TTN: variants seen among roughly 807,000 people sequenced by gnomAD.
TTN encodes connectin.
TTN carries 1,525 observed loss-of-function variants against 3,223.0 expected under a neutral mutation model. The ratio of observed to expected loss-of-function variants is 0.47; its 90% CI spans 0.45 to 0.49. TTN has a LOEUF of 0.49. Among genes scored for constraint, TTN ranks in the 20% least tolerant of loss-of-function variants. TTN has a pLI of 0.00. For missense variants in TTN, 40,786 were observed against 43,424.0 expected, an observed-to-expected ratio of 0.94 and a Z score of 5.40; for synonymous variants, 14,094 against 15,161.0, an observed-to-expected ratio of 0.93 and a Z score of 5.17.
At position 178,718,164 on chromosome 2, in the gene TTN, G is replaced by T. The variant is rs1474165122; in HGVS notation, c.24842C>A (p.Ala8281Glu). ...TCCATCCACTTTACACTGTAAAGTTGCAGGTTCTCCAATGACTGCTTCCAC... is the reference window on the plus strand; with the variant it reads ...TCCATCCACTTTACACTGTAAAGTTTCAGGTTCTCCAATGACTGCTTCCAC... ...EHVEAVIGEP[A>E]TLQCKVDGTP... Residue 8281 changes from alanine (A) to glutamate (E), a missense_variant, in exon 86 of 363, where the codon GCA becomes GAA. Ala to Glu is a moderately radical substitution (Grantham distance 107). Transcript: ENST00000589042. The T allele has an allele frequency of 1.9e-6, 3 of 1,606,406 alleles. No individual in the cohort carries two copies. The South Asian group carries it at 3.3e-5, about 18-fold the overall frequency.
At chr2:178,725,261 G>A (rs889808606) in intron 71 of TTN, 107 bp downstream of exon 71, 9 of 1,223,004 alleles carry the variant, frequency 7.4e-6, no homozygotes, top group Non-Finnish European at 9.7e-6. Flanking sequence ...AAATAGATGA[G>A]GATAAATATA....
chr2:178,610,082 A>C lies in TTN; in HGVS notation c.51436+8T>G, dbSNP rs763959898. ...TCTTAGCCATAGTGCATCCATGTCC[A>C]AACTTACGCTTTGGATCTTGAGCAA... On this transcript the variant is annotated splice_region_variant and intron_variant, in intron 271 of 362. Transcript: ENST00000589042. The C allele has an allele frequency of 1.2e-6, 2 of 1,612,652 alleles. No homozygotes were observed. Among genetic ancestry groups the C allele is most frequent in the South Asian group, 2.2e-5 (2 of 91,052 alleles).
At position 178,766,576 on chromosome 2, in the gene TTN, C is replaced by G; in HGVS notation, c.9508G>C (p.Val3170Leu). The G allele has an allele frequency of 6.2e-7, 1 of 1,614,044 alleles. No individual in the cohort carries two copies. The highest frequency in any genetic ancestry group is 8.5e-7 in the Non-Finnish European group (1 of 1,179,988). The stretch of plus-strand genomic sequence containing the variant: ...TGGGCATCAACATCGTCTTCATTGA[C>G]CTCAAATTCAACAACAGCACGCTGT... ...EKQRAVVEFE[V>L]NEDDVDAHWY... The change falls in exon 41 of 363, where the codon GTC becomes CTC. Residue 3170 changes from valine (V) to leucine (L), a missense_variant. Physicochemically the swap from Val to Leu is conservative, Grantham distance 32. Transcript: ENST00000589042.
At chr2:178,774,550 T>C (rs2091970698) in intron 29 of TTN, 77 bp from the exon 30 acceptor site, 12 of 1,423,126 alleles carry the variant, frequency 8.4e-6, no homozygotes, top group South Asian at 1.2e-5. Context: ...GATGATGTCT[T>C]GTATGTCTTT....
In TTN at chr2:178,558,654, T is replaced by C. The variant is rs1355178168; in HGVS notation, c.86822-17A>G. ...TTGGTTTTTCTAAGAAAACAAAGCA[T>C]CAAAAGAAAGTGAATAATTATTACA... On this transcript the variant is annotated splice_polypyrimidine_tract_variant and intron_variant, in intron 326 of 362. Transcript: ENST00000589042. 1 of 1,605,288 alleles carries C rather than the reference T, an allele frequency of 6.2e-7. No homozygotes were observed. The highest frequency in any genetic ancestry group is 8.5e-7 in the Non-Finnish European group (1 of 1,178,226).
At chr2:178,712,245 A>G (rs569573610) in intron 95 of TTN, 23 bp from the exon 96 acceptor site, 1 of 1,610,682 alleles carries the variant, frequency 6.2e-7, no homozygotes, top group Non-Finnish European at 8.5e-7. Context: ...GAGATAATCA[A>G]TCAGTCATGA....
Position 178,631,223 on chromosome 2 carries a change from T to G in TTN, c.43825A>C (p.Ile14609Leu). The G allele has an allele frequency of 6.2e-7, 1 of 1,613,004 alleles. No homozygotes were observed. Among genetic ancestry groups the G allele is most frequent in the Non-Finnish European group, 8.5e-7 (1 of 1,179,510 alleles). ...EKDEVILQCE[I>L]SKADAPVKWF... ...TTCACTGGTGCATCTGCTTTGCTAA[T>G]TTCACACTGTAGAATAACTTCATCT... is the stretch of plus-strand genomic sequence containing the variant. The change falls in exon 237 of 363, where the codon ATT becomes CTT. Residue 14609 changes from isoleucine to leucine, a missense_variant. By Grantham distance (5) the Ile-to-Leu change is conservative. Coordinates refer to ENST00000589042, the MANE Select transcript of TTN (RefSeq NM_001267550.2).
rs727503570 is a variant in TTN, at chr2:178,575,507, A to C, written c.70625T>G (p.Met23542Arg). 6.2e-7 allele frequency: 1 copy of C among 1,613,642 alleles called. No individual in the cohort carries two copies. The highest frequency in any genetic ancestry group is 8.5e-7 in the Non-Finnish European group (1 of 1,179,668). The change falls in exon 326 of 363, where the codon ATG (methionine) becomes AGG (arginine). Residue 23542 changes from methionine to arginine, a missense_variant. Physicochemically the swap from Met to Arg is moderately conservative, Grantham distance 91. Transcript: ENST00000589042. The surrounding 1 kb of genome is among the most constrained non-coding windows in gnomAD (Gnocchi z 4.0). Reference sequence around the variant, plus strand: ...GCTGACGGTGCTCTTAGTTATGTCCATGATGTTAAGGCTGTCTGGTGGAGA... The same window carrying C: ...GCTGACGGTGCTCTTAGTTATGTCCCTGATGTTAAGGCTGTCTGGTGGAGA... ...APSPPDSLNI[M>R]DITKSTVSLA...
rs374624479 is a variant in TTN, at chr2:178,577,982, A to G, written c.68527+6T>C. ...CACCTGGGTTTTTCTTCATATAATG[A>G]CTTACCAATTGGGTCCAGTGCCACA... On this transcript the variant is annotated splice_donor_region_variant and intron_variant, in intron 322 of 362. Coordinates refer to ENST00000589042, the MANE Select transcript of TTN (RefSeq NM_001267550.2). 2.5e-6 allele frequency: 4 copies of G among 1,609,874 alleles called. No individual in the cohort carries two copies. Among genetic ancestry groups the G allele is most frequent in the Non-Finnish European group, 3.4e-6 (4 of 1,178,370 alleles).
chr2:178,556,455 C>CAAACAAACA (rs1701512145), intron 330 of TTN: 11 of 186,224 alleles, frequency 5.9e-5, no homozygotes, highest in East Asian at 3.4e-4. Flanking sequence ...AACAAACAAA[C>CAAACAAACA]AAAAAAAAAA....
Position 178,564,085 on chromosome 2 carries a change from C to T in TTN, c.82047G>A (p.Leu27349=), listed in dbSNP as rs1158380874. The T allele has an allele frequency of 6.2e-7, 1 of 1,613,750 alleles. No homozygotes were observed. Among genetic ancestry groups the T allele is most frequent in the Non-Finnish European group, 8.5e-7 (1 of 1,179,754 alleles). The change falls in exon 326 of 363, where the codon CTG becomes CTA. Residue 27349 remains leucine (L), a synonymous_variant. Transcript: ENST00000589042. ...CIRTDGGQYI[L]KLSNVGGTKS... ...TTGTACCACCAACATTGCTGAGTTTCAGAATATATTGTCCTCCATCAGTCC... is the reference window on the plus strand; with the variant it reads ...TTGTACCACCAACATTGCTGAGTTTTAGAATATATTGTCCTCCATCAGTCC...
At position 178,602,439 on chromosome 2, in the gene TTN, T is replaced by C; in HGVS notation, c.54963A>G (p.Arg18321=). The C allele has an allele frequency of 6.2e-7, 1 of 1,612,656 alleles. No homozygotes were observed. The highest frequency in any genetic ancestry group is 8.5e-7 in the Non-Finnish European group (1 of 1,179,220). Residue 18321 remains arginine, a synonymous_variant, in exon 283 of 363, where the codon AGA becomes AGG. Coordinates refer to ENST00000589042, the MANE Select transcript of TTN (RefSeq NM_001267550.2). ...MQEEGTTDWK[R]VNEPDKLITT... is the part of the protein sequence containing the mutation. ...TTATAAGTTTGTCTGGTTCATTTACTCTTTTCCAGTCAGTAGTACCTTCTT... is the reference window on the plus strand; with the variant it reads ...TTATAAGTTTGTCTGGTTCATTTACCCTTTTCCAGTCAGTAGTACCTTCTT...
At position 178,709,856 on chromosome 2, in the gene TTN, T is replaced by G; in HGVS notation, c.28463A>C (p.Glu9488Ala). The change falls in exon 99 of 363, where the codon GAG becomes GCG. Residue 9488 changes from glutamate (E) to alanine (A), a missense_variant and splice_region_variant. Glu to Ala is a moderately radical substitution (Grantham distance 107). Transcript: ENST00000589042. The stretch of plus-strand genomic sequence containing the variant: ...AGTGAAACTTGGTGGGATGAGCCGC[T>G]CTATAAGAAATTGCAAGGATATATG... The part of the protein sequence containing the change: ...DSCTAQLNIK[E>A]RLIPPSFTKR... The G allele has an allele frequency of 6.2e-7, 1 of 1,607,244 alleles. No individual in the cohort carries two copies. Among genetic ancestry groups the G allele is most frequent in the Middle Eastern group, 1.7e-4 (1 of 6,036 alleles).
rs1035871236 is a variant in TTN, at chr2:178,579,229, A to T, written c.67801T>A (p.Ser22601Thr). 1 of 1,613,338 alleles carries T rather than the reference A, an allele frequency of 6.2e-7. No homozygotes were observed. Among genetic ancestry groups the T allele is most frequent in the African/African-American group, 1.3e-5 (1 of 74,866 alleles). ...ATAAGAGTTGTGTTAACCGCAGATG[A>T]CTCAACACTGACTCTAGTGTCAGTT... Reference protein sequence around the residue: ...LATDTRVSVESSAVNTTLIVY... With the variant: ...LATDTRVSVETSAVNTTLIVY... The change falls in exon 320 of 363, where the codon TCA (serine) becomes ACA (threonine). Residue 22601 changes from serine to threonine, a missense_variant. By Grantham distance (58) the Ser-to-Thr change is moderately conservative. Transcript: ENST00000589042.
Position 178,644,603 on chromosome 2 carries a change from C to T in TTN, c.40422G>A (p.Lys13474=). The change falls in exon 218 of 363, where the codon AAG becomes AAA. Residue 13474 remains lysine, a synonymous_variant. Transcript: ENST00000589042. Reference sequence around the variant, plus strand: ...GAACCTGAGGTTTTTCAGGAACTTTCTTCTTTGGAATAGCTTTAAAGAATA... The same window carrying T: ...GAACCTGAGGTTTTTCAGGAACTTTTTTCTTTGGAATAGCTTTAAAGAATA... The part of the protein sequence containing the change: ...KIFQLKAIPK[K]KVPEKPQVPE... 6.4e-7 allele frequency: 1 copy of T among 1,571,874 alleles called. No individual in the cohort carries two copies. Among genetic ancestry groups the T allele is most frequent in the Non-Finnish European group, 8.6e-7 (1 of 1,162,080 alleles).
Position 178,729,453 on chromosome 2 carries a change from T to A in TTN, c.18703A>T (p.Asn6235Tyr). ...TTGCTGCTTCGAATTTCCCTGTTAT[T>A]CTTCAGCCAAGTGACTTCAAACGGA... ...TPPFEVTWLK[N>Y]NREIRSSKKY... Residue 6235 changes from asparagine to tyrosine, a missense_variant, in exon 64 of 363, where the codon AAT (asparagine) becomes TAT (tyrosine). Coordinates refer to ENST00000589042, the MANE Select transcript of TTN (RefSeq NM_001267550.2). The A allele has an allele frequency of 1.9e-6, 3 of 1,613,616 alleles. No individual in the cohort carries two copies. The South Asian group carries it at 3.3e-5, about 18-fold the overall frequency.
intron 223 of TTN, among the ~76,000 whole-genome samples, chr2:178,639,363 G>A (rs759835218): frequency 1.2e-4 from 19 of 152,060 alleles, no homozygotes; most frequent in Non-Finnish European, 2.2e-4. Context: ...AAGCTTCATG[G>A]GATTCTTATA....
chr2:178,712,603 C>T lies in TTN; in HGVS notation c.27329-10G>A. 1 of 1,607,324 alleles carries T rather than the reference C, an allele frequency of 6.2e-7. No homozygotes were observed. ...ACAAATTTGGCTGGGGCTAAAGTGA[C>T]CAAATTGAAAATATAAAATCAAACA... On this transcript the variant is annotated splice_polypyrimidine_tract_variant and intron_variant, in intron 94 of 362. Coordinates refer to ENST00000589042, the MANE Select transcript of TTN (RefSeq NM_001267550.2).
chr2:178,707,381 A>AT (rs2076038222), intron 100 of TTN, 145 bp downstream of exon 100: 4 of 956,034 alleles, frequency 4.2e-6, no homozygotes, highest in Non-Finnish European at 5.9e-6. Context: ...TAATATTTCA[A>AT]TTATAATAAG....
Sources: allele counts gnomAD v4.1 joint callset (sites outside exome capture counted in the v4.1 genomes callset), GRCh38; gene constraint gnomAD v4.1.1; non-coding constraint Gnocchi (gnomAD v3.1); transcripts MANE v1.5; gene names NCBI Gene and HGNC (gene_info 2026-07-23, HGNC 2026-07-21).